Variants in TCF7L2 observed in about 807,000 individuals in gnomAD.
TCF7L2 encodes the protein transcription factor 7-like 2.
In TCF7L2, 23 loss-of-function variants were observed where a neutral mutation model predicts 77.9. The observed-to-expected ratio is 0.30, with a 90% CI of 0.21 to 0.42. The LOEUF (loss-of-function observed/expected upper bound fraction) is 0.42. TCF7L2 is among the 10% of genes least tolerant of loss of function. The pLI is 1.00. For missense variants in TCF7L2, 654 were observed against 793.1 expected (o/e 0.82, Z 2.11); for synonymous variants, 413 against 340.2 (o/e 1.21, Z -2.36).
At chr10:112,977,119 C>G (rs546014564) in intron 4 of TCF7L2, among the ~76,000 whole-genome samples, 2 of 152,138 alleles carry the variant, frequency 1.3e-5, no homozygotes, top group Admixed American at 1.3e-4. Flanking sequence ...GATGGATGAG[C>G]CTGCACAGAC....
chr10:113,163,229 C>T (rs906437557), intron 13 of TCF7L2, among the ~76,000 whole-genome samples: 3 of 152,038 alleles, frequency 2.0e-5, no homozygotes, highest in African/African-American at 7.2e-5. Flanking sequence ...GAGGAAGGTA[C>T]CAGAATGCTC....
intron 5 of TCF7L2, among the ~76,000 whole-genome samples, chr10:113,124,987 C>T (rs150602823): frequency 2.6e-5 from 4 of 152,014 alleles, no homozygotes; most frequent in East Asian, 1.9e-4. Context: ...AAGATGTCAT[C>T]GTTAAAGGAA....
chr10:112,955,792 T>A (rs2033396244), intron 3 of TCF7L2, among the ~76,000 whole-genome samples: 1 of 152,188 alleles, frequency 6.6e-6, no homozygotes, highest in Non-Finnish European at 1.5e-5. Context: ...AGATCAAGAA[T>A]GCTGTTCTGT....
In TCF7L2 at chr10:113,019,110, C is replaced by G. The variant is rs139315753; in HGVS notation, c.451-20915C>G. 4.6e-3 allele frequency among the ~76,000 whole-genome samples: 700 copies of G among 152,352 alleles called. 6 individuals carry two copies. Among genetic ancestry groups the G allele is most frequent in the African/African-American group, 0.016 (665 of 41,590 alleles). Reference sequence around the variant, plus strand: ...AGCAGTGAATGGTAGAGCATCCTCACTCTTCTCTCTGCCAGCAAGCACCTT... The same window carrying G: ...AGCAGTGAATGGTAGAGCATCCTCAGTCTTCTCTCTGCCAGCAAGCACCTT... On this transcript the variant is annotated intron_variant, in intron 4 of 13. Transcript: ENST00000627217.
intron 4 of TCF7L2, among the ~76,000 whole-genome samples, chr10:112,995,820 C>G (rs890039007): frequency 6.6e-6 from 1 of 152,146 alleles, no homozygotes; most frequent in Non-Finnish European, 1.5e-5. Flanking sequence ...TTGGCAGTCC[C>G]TTCCCTTCCC....
intron 5 of TCF7L2, among the ~76,000 whole-genome samples, chr10:113,058,893 G>T (rs1332379723): frequency 2.0e-5 from 3 of 152,156 alleles, no homozygotes; most frequent in Non-Finnish European, 4.4e-5. Context: ...GCTGCATAGG[G>T]TGTGATTTAG....
At chr10:113,102,197 T>G (rs2061741164) in intron 5 of TCF7L2, among the ~76,000 whole-genome samples, 2 of 149,650 alleles carry the variant, frequency 1.3e-5, no homozygotes, top group Admixed American at 1.3e-4. Context: ...TTTAATGGGA[T>G]GGTTAGGAGC....
In TCF7L2 at chr10:113,072,243, G is replaced by A. The variant is rs183794208; in HGVS notation, c.552+32117G>A. On this transcript the variant is annotated intron_variant, in intron 5 of 13. Coordinates refer to ENST00000627217, the MANE Select transcript of TCF7L2 (RefSeq NM_001146274.2). Reference sequence around the variant, plus strand: ...ACTAATTTTTTGTATTTTTAGCAGAGACGGGGTTTCACCGTGTTAGCCAGG... The same window carrying A: ...ACTAATTTTTTGTATTTTTAGCAGAAACGGGGTTTCACCGTGTTAGCCAGG... Among the ~76,000 whole-genome samples, 646 of 151,954 alleles carry A rather than the reference G, an allele frequency of 4.3e-3. 4 individuals are homozygous for A. Among genetic ancestry groups the A allele is most frequent in the African/African-American group, 0.014 (581 of 41,434 alleles).
At chr10:112,958,552 A>T (rs2034266822) in intron 3 of TCF7L2, among the ~76,000 whole-genome samples, 4 of 152,088 alleles carry the variant, frequency 2.6e-5, no homozygotes, top group Admixed American at 2.6e-4. Context: ...TTGTAAAGTC[A>T]ATGAATTGCA....
chr10:113,104,584 C>A (rs541019031), intron 5 of TCF7L2, among the ~76,000 whole-genome samples: 2 of 152,174 alleles, frequency 1.3e-5, no homozygotes, highest in Non-Finnish European at 2.9e-5. Flanking sequence ...ATATACCATA[C>A]TCTACAATTC....
At position 113,151,641 on chromosome 10, in the gene TCF7L2, A is replaced by C; in HGVS notation, c.1002-84A>C. The C allele has an allele frequency of 1.4e-6, 2 of 1,476,390 alleles. No individual in the cohort carries two copies. The highest frequency in any genetic ancestry group is 1.8e-6 in the Non-Finnish European group (2 of 1,112,680). 91.5% of individuals were successfully genotyped at this position (1,476,390 alleles called of 1,614,324 possible). ...AAAACTGCTAGGCTTGGGGGTTATGAGACAAGGAGATACGTTCCCTGCCAT... is the reference window on the plus strand; with the variant it reads ...AAAACTGCTAGGCTTGGGGGTTATGCGACAAGGAGATACGTTCCCTGCCAT... On this transcript the variant is annotated intron_variant, in intron 9 of 13. Transcript: ENST00000627217. This position sits in a 1 kb window ranked among gnomAD's most constrained non-coding sequence, Gnocchi z 5.2.
chr10:113,129,003 C>T (rs1167363241), intron 5 of TCF7L2, among the ~76,000 whole-genome samples: 8 of 152,012 alleles, frequency 5.3e-5, no homozygotes, highest in Admixed American at 6.5e-5. Context: ...ACTCAACAGT[C>T]AAAAAAGCGA....
chr10:113,058,062 C>T (rs562845181), intron 5 of TCF7L2, among the ~76,000 whole-genome samples: 21 of 152,248 alleles, frequency 1.4e-4, no homozygotes, highest in African/African-American at 4.6e-4. Context: ...AAGTTAATGT[C>T]TTGCGTGTGC....
chr10:113,160,734 T>G (rs775098857), intron 13 of TCF7L2: 2 of 1,539,676 alleles, frequency 1.3e-6, no homozygotes, highest in Non-Finnish European at 1.8e-6. Flanking sequence ...CAAAGCATTC[T>G]GTCCTTCCGG....
intron 4 of TCF7L2, among the ~76,000 whole-genome samples, chr10:113,021,988 T>G (rs995806507): frequency 6.6e-6 from 1 of 152,232 alleles, no homozygotes; most frequent in African/African-American, 2.4e-5. Context: ...TGTCCACGCC[T>G]TCTTTAGGCA....
At chr10:113,140,106 G>A (rs897027819) in intron 5 of TCF7L2, among the ~76,000 whole-genome samples, 17 of 152,130 alleles carry the variant, frequency 1.1e-4, no homozygotes, top group Admixed American at 4.6e-4. Flanking sequence ...GGATTTTAGC[G>A]AAAATCCTCT....
intron 4 of TCF7L2, among the ~76,000 whole-genome samples, chr10:113,019,204 C>G (rs1050114726): frequency 1.3e-5 from 2 of 152,206 alleles, no homozygotes; most frequent in African/African-American, 2.4e-5. Flanking sequence ...ATGTTGGACA[C>G]ACCATGGTGA....
chr10:113,042,154 G>A (rs1255744044), intron 5 of TCF7L2, among the ~76,000 whole-genome samples: 1 of 152,234 alleles, frequency 6.6e-6, no homozygotes, highest in Non-Finnish European at 1.5e-5. Context: ...TTCCTATGTA[G>A]AAATTAATGA....
intron 5 of TCF7L2, among the ~76,000 whole-genome samples, chr10:113,121,760 C>T (rs959054131): frequency 8.3e-5 from 12 of 144,310 alleles, no homozygotes; most frequent in East Asian, 2.4e-4. Context: ...CACACGTGCA[C>T]GCACACATAC....
Sources: gnomAD v4.1 joint callset for allele counts (sites outside exome capture counted in the v4.1 genomes callset) on GRCh38, gnomAD v4.1.1 for gene constraint, Gnocchi (gnomAD v3.1) non-coding constraint, MANE v1.5 for transcripts, NCBI Gene and HGNC (gene_info 2026-07-23, HGNC 2026-07-21) for gene names.